The following CD48 variants were observed in gnomAD, a reference collection of about 807,000 sequenced individuals.
The protein encoded by CD48 is CD48 antigen.
A neutral mutation model predicts 22.0 loss-of-function variants in CD48; 20 were observed. That is an observed-to-expected ratio of 0.91 (90% CI 0.64 to 1.32). CD48 has a LOEUF of 1.32. Among genes scored for constraint, CD48 ranks in the 40% most tolerant of loss-of-function variants. The pLI is 0.00. For synonymous variants in CD48, 110 were observed against 110.1 expected (o/e 1.00, Z 0.01); for missense variants, 307 against 286.5 (o/e 1.07, Z -0.52).
In CD48 at chr1:160,682,043, C is replaced by T. The variant is rs539924187; in HGVS notation, c.386-575G>A. On this transcript the variant is annotated intron_variant, in intron 2 of 3. Coordinates refer to ENST00000368046, the MANE Select transcript of CD48 (RefSeq NM_001778.4). Reference sequence around the variant, plus strand: ...TTCCAGCCGCATCAATTGTGATAAACAGATTGGTCTGCTAACTTTGGTATC... The same window carrying T: ...TTCCAGCCGCATCAATTGTGATAAATAGATTGGTCTGCTAACTTTGGTATC... 1.8e-3 allele frequency among the ~76,000 whole-genome samples: 268 copies of T among 152,310 alleles called. 1 individual carries two copies. The highest frequency in any genetic ancestry group is 3.1e-3 in the Non-Finnish European group (214 of 68,020).
At chr1:160,705,971 C>G (rs1227743011) in intron 1 of CD48, among the ~76,000 whole-genome samples, 1 of 152,140 alleles carries the variant, frequency 6.6e-6, no homozygotes, top group African/African-American at 2.4e-5. Flanking sequence ...TGAGCTAGGT[C>G]ATCTTTGGCA....
chr1:160,681,245 G>A lies in CD48; in HGVS notation c.609C>T (p.Ser203=), dbSNP rs763860399. 6.2e-7 allele frequency: 1 copy of A among 1,614,068 alleles called. No homozygotes were observed. The highest frequency in any genetic ancestry group is 1.3e-5 in the African/African-American group (1 of 74,920). The change falls in exon 3 of 4, where the codon AGC becomes AGT. Residue 203 remains serine (S), a synonymous_variant. Coordinates refer to ENST00000368046, the MANE Select transcript of CD48 (RefSeq NM_001778.4). ...CYTCQVSNSV[S]SKNGTVCLSP... Reference sequence around the variant, plus strand: ...TGAGGCAGACCGTGCCATTCTTGCTGCTCACAGAATTGCTGACTTGGCAAG... The same window carrying A: ...TGAGGCAGACCGTGCCATTCTTGCTACTCACAGAATTGCTGACTTGGCAAG...
chr1:160,681,191 A>G lies in CD48; in HGVS notation c.652+11T>C. The stretch of plus-strand genomic sequence containing the variant: ...CCTGTGCCCCCCTCAGCTCCCAGGG[A>G]TCCTTCTTACCCAGGGTACAGGGTG... On this transcript the variant is annotated intron_variant, in intron 3 of 3. Coordinates refer to ENST00000368046, the MANE Select transcript of CD48 (RefSeq NM_001778.4). 1.2e-6 allele frequency: 2 copies of G among 1,614,056 alleles called. No individual in the cohort carries two copies. Among genetic ancestry groups the G allele is most frequent in the Non-Finnish European group, 8.5e-7 (1 of 1,179,978 alleles).
intron 1 of CD48, among the ~76,000 whole-genome samples, chr1:160,709,457 T>A (rs1662887806): frequency 6.6e-6 from 1 of 152,240 alleles, no homozygotes. Flanking sequence ...GAAGCTTTAA[T>A]GACTTGTTGA....
At chr1:160,706,839 C>G (rs1662810179) in intron 1 of CD48, among the ~76,000 whole-genome samples, 1 of 152,116 alleles carries the variant, frequency 6.6e-6, no homozygotes, top group Non-Finnish European at 1.5e-5. Flanking sequence ...ATCCCAGGAC[C>G]ATAGAGTCTC....
chr1:160,680,569 C>T (rs189212518), intron 3 of CD48: 1,105 of 991,494 alleles, frequency 1.1e-3, no homozygotes, highest in Non-Finnish European at 1.2e-3. Flanking sequence ...CATGCTAGCA[C>T]CAGTGTAGGC....
chr1:160,688,097 C>G (rs1662066834), intron 1 of CD48, among the ~76,000 whole-genome samples: 1 of 152,148 alleles, frequency 6.6e-6, no homozygotes, highest in Non-Finnish European at 1.5e-5. Context: ...TGTCTTAAAT[C>G]ATTAATTTGA....
At chr1:160,685,416 G>A (rs1661963231) in intron 1 of CD48, among the ~76,000 whole-genome samples, 1 of 152,170 alleles carries the variant, frequency 6.6e-6, no homozygotes, top group African/African-American at 2.4e-5. Flanking sequence ...AATTAATCTA[G>A]TACTGTCCCC....
rs1330360196 is a variant in CD48 at position 160,711,637 on chromosome 1, A to G, written c.82+45T>C. 3 of 1,419,590 alleles carry G rather than the reference A, an allele frequency of 2.1e-6. No homozygotes were observed. The African/African-American group carries it at 4.2e-5, about 20-fold the overall frequency. 87.9% of individuals were successfully genotyped at this position (1,419,590 alleles called of 1,614,324 possible). ...CCCGTCTCCCCTTTCCCAACTGACCATGCCTTCAGTGCACAATCACAGATA... is the reference window on the plus strand; with the variant it reads ...CCCGTCTCCCCTTTCCCAACTGACCGTGCCTTCAGTGCACAATCACAGATA... On this transcript the variant is annotated intron_variant, in intron 1 of 3. Transcript: ENST00000368046.
intron 1 of CD48, among the ~76,000 whole-genome samples, chr1:160,704,497 C>T (rs1662734738): frequency 1.3e-5 from 2 of 152,204 alleles, no homozygotes; most frequent in South Asian, 4.1e-4. Flanking sequence ...CTGCCCTCTG[C>T]ACTGACTCAC....
chr1:160,690,878 T>G (rs1662186832), intron 1 of CD48, among the ~76,000 whole-genome samples: 1 of 152,074 alleles, frequency 6.6e-6, no homozygotes, highest in Non-Finnish European at 1.5e-5. Context: ...CTAAGAAAAA[T>G]TATTCTGCCT....
intron 2 of CD48, among the ~76,000 whole-genome samples, 194 bp from the exon 3 acceptor site, chr1:160,681,662 C>G (rs752789509): frequency 1.3e-5 from 2 of 152,192 alleles, no homozygotes; most frequent in African/African-American, 2.4e-5. Flanking sequence ...ACTGCAAGAG[C>G]GGCTTCTAGG....
chr1:160,691,264 C>G (rs1199688850), intron 1 of CD48, among the ~76,000 whole-genome samples: 1 of 152,070 alleles, frequency 6.6e-6, no homozygotes, highest in African/African-American at 2.4e-5. Flanking sequence ...GCAGTTGAGA[C>G]AAGAGGAAGG....
At chr1:160,685,927 G>A (rs116489540) in intron 1 of CD48, among the ~76,000 whole-genome samples, 293 of 152,322 alleles carry the variant, frequency 1.9e-3, no homozygotes, top group African/African-American at 6.7e-3. Flanking sequence ...GACAAAAAGG[G>A]TATGATTGAA....
intron 1 of CD48, among the ~76,000 whole-genome samples, chr1:160,706,161 AC>A (rs1281552494): frequency 6.6e-6 from 1 of 151,872 alleles, no homozygotes; most frequent in Non-Finnish European, 1.5e-5. Flanking sequence ...TGCAACCTCC[AC>A]CCCCCAGGTT....
At chr1:160,681,902 G>C (rs899537125) in intron 2 of CD48, among the ~76,000 whole-genome samples, 1 of 152,318 alleles carries the variant, frequency 6.6e-6, no homozygotes, top group Non-Finnish European at 1.5e-5. Context: ...GCTTCAGCAA[G>C]AGTCCTAAGG....
chr1:160,686,645 A>G lies in CD48; in HGVS notation c.83-1456T>C, dbSNP rs1342629589. 4 of 152,188 alleles carry G rather than the reference A, an allele frequency of 2.6e-5. No homozygotes were observed. The East Asian group carries it at 7.7e-4, about 29-fold the overall frequency. The allele number at this position is 152,188 out of a possible 1,614,324, so 9.4% of individuals were successfully genotyped here. On this transcript the variant is annotated intron_variant, in intron 1 of 3. Transcript: ENST00000368046. ...TTGAGAAATAAAGGGACAGAGTACA[A>G]AAGAGAGAAATTTTAAAGCTGAGCA...
At chr1:160,700,587 G>A (rs1662596307) in intron 1 of CD48, among the ~76,000 whole-genome samples, 1 of 152,098 alleles carries the variant, frequency 6.6e-6, no homozygotes, top group African/African-American at 2.4e-5. Context: ...TAGATAACTG[G>A]GCAGTCTGGA....
intron 1 of CD48, among the ~76,000 whole-genome samples, chr1:160,700,867 T>A (rs530054): frequency 7.9e-5 from 12 of 151,934 alleles, no homozygotes; most frequent in Non-Finnish European, 1.3e-4. Flanking sequence ...AGTGGTCTGA[T>A]GAATTTTATC....
Sources: gnomAD v4.1 joint callset for allele counts (sites outside exome capture counted in the v4.1 genomes callset) on GRCh38, gnomAD v4.1.1 for gene constraint, MANE v1.5 for transcripts, NCBI Gene and HGNC (gene_info 2026-07-23, HGNC 2026-07-21) for gene names.